The following DIP2A variants were observed in gnomAD, a reference collection of about 807,000 sequenced individuals.
DIP2A encodes disco-interacting protein 2 homolog A.
DIP2A carries 85 observed loss-of-function variants against 177.4 expected under a neutral mutation model. The observed-to-expected ratio is 0.48, with a 90% CI of 0.40 to 0.57. DIP2A has a LOEUF of 0.57. DIP2A is among the 20% of genes least tolerant of loss of function. The probability of loss-of-function intolerance (pLI) is 0.00; values close to 1 mark genes in which losing one functional copy is unlikely to be tolerated. For missense variants in DIP2A, 1,791 were observed against 2,100.2 expected, an observed-to-expected ratio of 0.85 and a Z score of 2.88; for synonymous variants, 886 against 881.8, an observed-to-expected ratio of 1.00 and a Z score of -0.08.
chr21:46,514,183 C>T (rs1382550078), intron 8 of DIP2A, among the ~76,000 whole-genome samples: 1 of 151,780 alleles, frequency 6.6e-6, no homozygotes, highest in Non-Finnish European at 1.5e-5. Context: ...ACCTGTAATC[C>T]CAGCACTTTG....
chr21:46,495,235 TTCTCTTCTTTCTCTC>T (rs1187805115), intron 3 of DIP2A, among the ~76,000 whole-genome samples: 2 of 51,296 alleles, frequency 3.9e-5, no homozygotes, highest in South Asian at 5.8e-4. Context: ...TTCTCTTCTC[TTCTCTTCTTTCTCTC>T]TCTCTCTCTC....
chr21:46,491,549 T>C lies in DIP2A; in HGVS notation c.283+830T>C, dbSNP rs555235433. On this transcript the variant is annotated intron_variant, in intron 3 of 37. Transcript: ENST00000417564. ...TTCTTCTCTGATTGTATAAATAATA[T>C]ATGCTTAGTGTTAAATATATAAAAA... Among the ~76,000 whole-genome samples the C allele has an allele frequency of 1.7e-3, 253 of 152,326 alleles. 1 individual carries two copies. The highest frequency in any genetic ancestry group is 5.7e-3 in the African/African-American group (236 of 41,564).
rs766015219 is a variant in DIP2A, at chr21:46,545,938, G to C, written c.2371G>C (p.Gly791Arg). 1 of 1,613,924 alleles carries C rather than the reference G, an allele frequency of 6.2e-7. No individual in the cohort carries two copies. Among genetic ancestry groups the C allele is most frequent in the African/African-American group, 1.3e-5 (1 of 74,944 alleles). ...PIFDRPFTRT[G>R]LLGFIGPDNL... ...CTTTGACAGGCCATTCACCAGGACAGGCCTGCTGGGCTTCATCGGGCCTGT... is the reference window on the plus strand; with the variant it reads ...CTTTGACAGGCCATTCACCAGGACACGCCTGCTGGGCTTCATCGGGCCTGT... Residue 791 changes from glycine to arginine, a missense_variant, in exon 20 of 38, where the codon GGC becomes CGC. Transcript: ENST00000417564.
intron 1 of DIP2A, among the ~76,000 whole-genome samples, chr21:46,484,541 A>G (rs1002870698): frequency 1.3e-5 from 2 of 152,330 alleles, no homozygotes; most frequent in East Asian, 1.9e-4. Context: ...AGCAGCATGC[A>G]TGTGAGATCT....
rs537156543 is a variant in DIP2A, at chr21:46,512,218, A to G, written c.1102+604A>G. ...AACTTACTTACACACTCTTAAGTAG[A>G]TGGACATTTGGGTGGTTTCCACTTT... On this transcript the variant is annotated intron_variant, in intron 8 of 37. Coordinates refer to ENST00000417564, the MANE Select transcript of DIP2A (RefSeq NM_015151.4). Among the ~76,000 whole-genome samples the G allele has an allele frequency of 3.9e-5, 6 of 152,254 alleles. No individual in the cohort carries two copies. In the South Asian group the frequency reaches 1.0e-3, roughly 26 times the overall value.
rs536306098 is a variant in DIP2A at position 46,485,942 on chromosome 21, G to A, written c.163+1114G>A. ...AAAAATTCGCCGGGCATGGTGGTGCGTACCTGTAGTTCCAGCTGCTCGGGA... is the reference window on the plus strand; with the variant it reads ...AAAAATTCGCCGGGCATGGTGGTGCATACCTGTAGTTCCAGCTGCTCGGGA... On this transcript the variant is annotated intron_variant, in intron 2 of 37. Coordinates refer to ENST00000417564, the MANE Select transcript of DIP2A (RefSeq NM_015151.4). Among the ~76,000 whole-genome samples, 4 of 151,728 alleles carry A rather than the reference G, an allele frequency of 2.6e-5. No individual in the cohort carries two copies. In the South Asian group the frequency reaches 6.3e-4, roughly 24 times the overall value.
intron 3 of DIP2A, among the ~76,000 whole-genome samples, chr21:46,495,219 CT>C (rs1436445382): frequency 7.5e-5 from 7 of 92,848 alleles, no homozygotes; most frequent in East Asian, 2.8e-4. Flanking sequence ...CTTCTCTTCT[CT>C]TCTCTTCTCT....
chr21:46,527,759 G>A (rs1291912845), intron 8 of DIP2A, among the ~76,000 whole-genome samples: 3 of 152,034 alleles, frequency 2.0e-5, no homozygotes, highest in Non-Finnish European at 4.4e-5. Flanking sequence ...ACCTGCTTGC[G>A]TTGTGCCACA....
chr21:46,526,664 G>A, intron 8 of DIP2A, among the ~76,000 whole-genome samples: 1 of 152,124 alleles, frequency 6.6e-6, no homozygotes, highest in Non-Finnish European at 1.5e-5. Flanking sequence ...CAAAGTGCCA[G>A]GATTACAGGT....
intron 3 of DIP2A, among the ~76,000 whole-genome samples, chr21:46,493,316 A>G (rs2057126934): frequency 6.6e-6 from 1 of 151,608 alleles, no homozygotes; most frequent in Non-Finnish European, 1.5e-5. Flanking sequence ...TTTTTAATCT[A>G]TACTTATTTT....
rs993986676 is a variant in DIP2A, at chr21:46,498,046, T to C, written c.404-536T>C. 2.0e-5 allele frequency among the ~76,000 whole-genome samples: 3 copies of C among 152,240 alleles called. No homozygotes were observed. The highest frequency in any genetic ancestry group is 4.4e-5 in the Non-Finnish European group (3 of 68,040). On this transcript the variant is annotated intron_variant, in intron 4 of 37. Coordinates refer to ENST00000417564, the MANE Select transcript of DIP2A (RefSeq NM_015151.4). This position sits in a 1 kb window ranked among gnomAD's most constrained non-coding sequence, Gnocchi z 4.3. ...TCGGAGAAGGAATTGTTTTTAGGGC[T>C]AGTTCACATGACTCCCCTGAAAGGA...
At chr21:46,527,491 A>G (rs1384578468) in intron 8 of DIP2A, among the ~76,000 whole-genome samples, 1 of 151,640 alleles carries the variant, frequency 6.6e-6, no homozygotes, top group African/African-American at 2.4e-5. Flanking sequence ...CTCCCAGATA[A>G]TTTTTTGTAT....
rs768199401 is a variant in DIP2A at position 46,563,953 on chromosome 21, G to A, written c.4164+21G>A. 8.1e-6 allele frequency: 13 copies of A among 1,610,888 alleles called. No individual in the cohort carries two copies. Among genetic ancestry groups the A allele is most frequent in the Non-Finnish European group, 1.1e-5 (13 of 1,179,004 alleles). ...GAGAGGTGAGCAGGGGCCCATGGGA[G>A]GGGCTTGAGCTCTCCAGCCTCACCA... is the stretch of plus-strand genomic sequence containing the variant. On this transcript the variant is annotated intron_variant, in intron 35 of 37. Coordinates refer to ENST00000417564, the MANE Select transcript of DIP2A (RefSeq NM_015151.4). This position sits in a 1 kb window ranked among gnomAD's most constrained non-coding sequence, Gnocchi z 4.3.
At chr21:46,514,654 T>TTTTTTTTTTA (rs2058487637) in intron 8 of DIP2A, among the ~76,000 whole-genome samples, 1 of 141,892 alleles carries the variant, frequency 7.0e-6, no homozygotes, top group Non-Finnish European at 1.5e-5. Context: ...TTTTTTTTTT[T>TTTTTTTTTTA]TGCACAAGCT....
rs765612154 is a variant in DIP2A, at chr21:46,534,650, G to A, written c.1605G>A (p.Gln535=). The A allele has an allele frequency of 8.1e-6, 13 of 1,612,182 alleles. No individual in the cohort carries two copies. Among genetic ancestry groups the A allele is most frequent in the South Asian group, 4.4e-5 (4 of 91,068 alleles). ...VTVSHASLLA[Q]CRALTQACGY... ...TGTCCCACGCATCCCTGCTGGCACA[G>A]TGCCGGGCTCTGACCCAGGCGTGCG... The change falls in exon 13 of 38, where the codon CAG becomes CAA. Residue 535 remains glutamine (Q), a synonymous_variant. Transcript: ENST00000417564.
At chr21:46,535,444 G>T (rs1044498185) in intron 13 of DIP2A, among the ~76,000 whole-genome samples, 1 of 152,140 alleles carries the variant, frequency 6.6e-6, no homozygotes, top group African/African-American at 2.4e-5. Flanking sequence ...TTCAGGCCAG[G>T]TGCAGTGGTT....
At chr21:46,474,874 A>G (rs1157558798) in intron 1 of DIP2A, among the ~76,000 whole-genome samples, 1 of 152,204 alleles carries the variant, frequency 6.6e-6, no homozygotes, top group African/African-American at 2.4e-5. Flanking sequence ...ATTAGGGAAG[A>G]TAGGGATGGA....
At chr21:46,583,586 A>C in the DIP2A span, among the ~76,000 whole-genome samples, 1 of 152,234 alleles carries the variant, frequency 6.6e-6, no homozygotes, top group Non-Finnish European at 1.5e-5. Context: ...CTAAAAGTTA[A>C]TTCCCATTTT....
the DIP2A span, among the ~76,000 whole-genome samples, chr21:46,577,583 C>T: frequency 8.5e-5 from 13 of 152,184 alleles, no homozygotes; most frequent in Non-Finnish European, 1.3e-4. Context: ...CAACTTCGTT[C>T]TTTTTGCTTA....
Sources: gnomAD v4.1 joint callset for allele counts (sites outside exome capture counted in the v4.1 genomes callset) on GRCh38, gnomAD v4.1.1 for gene constraint, Gnocchi (gnomAD v3.1) non-coding constraint, MANE v1.5 for transcripts, NCBI Gene and HGNC (gene_info 2026-07-23, HGNC 2026-07-21) for gene names.